The following USP30 variants were observed in gnomAD, a reference collection of about 807,000 sequenced individuals.
USP30 encodes ubiquitin specific peptidase 30.
USP30 carries 41 observed loss-of-function variants against 68.2 expected under a neutral mutation model. The ratio of observed to expected loss-of-function variants is 0.60; its 90% confidence interval spans 0.47 to 0.78. The LOEUF (loss-of-function observed/expected upper bound fraction) is 0.78. Ranked by LOEUF, USP30 falls within the 30% of genes least tolerant of loss-of-function variation. The pLI, the probability that USP30 is intolerant of heterozygous loss-of-function variation, is 0.00. For synonymous variants in USP30, 229 were observed against 253.7 expected, an observed-to-expected ratio of 0.90 and a Z score of 0.93; for missense variants, 522 against 649.4, an observed-to-expected ratio of 0.80 and a Z score of 2.13.
chr12:109,077,706 A>G (rs778802099), intron 7 of USP30, among the ~76,000 whole-genome samples: 17 of 151,642 alleles, frequency 1.1e-4, no homozygotes, highest in Non-Finnish European at 2.1e-4. Context: ...TTTGTCTTAC[A>G]TATTTTCTTG....
chr12:109,053,494 C>T (rs535421478), intron 1 of USP30, among the ~76,000 whole-genome samples: 2 of 152,234 alleles, frequency 1.3e-5, no homozygotes, highest in East Asian at 3.9e-4. Context: ...CTCCCAAGGG[C>T]TCCAGGCTTC....
At chr12:109,036,310 T>TC (rs1231634716) in intron 3 of USP30, among the ~76,000 whole-genome samples, 5 of 151,388 alleles carry the variant, frequency 3.3e-5, no homozygotes, top group Admixed American at 6.6e-5. Context: ...TTTCTTTCTT[T>TC]TTTTTTTTTT....
chr12:109,087,933 C>T lies in USP30; in HGVS notation c.*2002C>T. The T allele has an allele frequency of 4.3e-6, 1 of 230,040 alleles. No individual in the cohort carries two copies. Among genetic ancestry groups the T allele is most frequent in the Non-Finnish European group, 8.3e-6 (1 of 120,010 alleles). 14.2% of individuals were successfully genotyped at this position (230,040 alleles called of 1,614,324 possible). ...ACCTAAGTTAAACTAGTAGTTTTGC[C>T]ATAATAACTGCTGATTTATGTATTT... On this transcript the variant is annotated 3_prime_UTR_variant, in exon 13 of 13. Transcript: ENST00000257548.
chr12:109,059,238 A>G (rs563757941), intron 3 of USP30, among the ~76,000 whole-genome samples: 40 of 152,162 alleles, frequency 2.6e-4, no homozygotes, highest in Admixed American at 1.2e-3. Flanking sequence ...TTTTTTTCCC[A>G]GCCTGGAGTG....
At chr12:109,072,519 T>C (rs2041478210) in intron 6 of USP30, among the ~76,000 whole-genome samples, 169 bp downstream of exon 6, 1 of 152,210 alleles carries the variant, frequency 6.6e-6, no homozygotes, top group Non-Finnish European at 1.5e-5. Flanking sequence ...TAGATTCTCT[T>C]GGTGTTCCCT....
rs1278953180 is a variant in USP30 at position 109,087,725 on chromosome 12, T to C, written c.*1794T>C. ...AGGGGCTGAGCCTTGGAATATATGG[T>C]TATAAGCAGATCTTTCTTTGGTCAG... On this transcript the variant is annotated 3_prime_UTR_variant, in exon 13 of 13. Coordinates refer to ENST00000257548, the MANE Select transcript of USP30 (RefSeq NM_032663.5). 1.3e-5 allele frequency: 2 copies of C among 153,338 alleles called. No homozygotes were observed. The highest frequency in any genetic ancestry group is 4.8e-5 in the African/African-American group (2 of 41,422). The allele number at this position is 153,338 out of a possible 1,614,324, so 9.5% of individuals were successfully genotyped here. A position where few individuals can be genotyped will look rare whatever the true frequency, so the allele number is the denominator to read the frequency against.
At position 109,052,627 on chromosome 12, in the gene USP30, G is replaced by GCGGCGA. The variant is rs2135692008; in HGVS notation, c.-47_-46insACGGCG. On this transcript the variant is annotated 5_prime_UTR_variant, in exon 1 of 13. Coordinates refer to ENST00000257548, the MANE Select transcript of USP30 (RefSeq NM_032663.5). ...AACCGTCGTATCCCTCGGTCCGGCGGCGGCGGCGGCGGTAGCGGAGGAGAC... is the reference window on the plus strand; with the variant it reads ...AACCGTCGTATCCCTCGGTCCGGCGGCGGCGACGGCGGCGGCGGTAGCGGAGGAGAC... The GCGGCGA allele has an allele frequency of 6.9e-7, 1 of 1,442,254 alleles. No individual in the cohort carries two copies. Among genetic ancestry groups the GCGGCGA allele is most frequent in the Non-Finnish European group, 9.1e-7 (1 of 1,102,520 alleles). 89.3% of individuals were successfully genotyped at this position (1,442,254 alleles called of 1,614,324 possible).
Position 109,070,551 on chromosome 12 carries a change from T to C in USP30, c.481-1061T>C, listed in dbSNP as rs2041407129. 6.6e-6 allele frequency among the ~76,000 whole-genome samples: 1 copy of C among 152,176 alleles called. No homozygotes were observed. The highest frequency in any genetic ancestry group is 6.5e-5 in the Admixed American group (1 of 15,280). On this transcript the variant is annotated intron_variant, in intron 4 of 12. Transcript: ENST00000257548. This position sits in a 1 kb window ranked among gnomAD's most constrained non-coding sequence, Gnocchi z 4.0. ...GCCAGATAAGAATGGTAGGTTTTAC[T>C]CTAGTAGTGGAAGCCATTGGAAAGC...
At chr12:109,056,046 G>A (rs537627809) in intron 1 of USP30, among the ~76,000 whole-genome samples, 3 of 152,260 alleles carry the variant, frequency 2.0e-5, no homozygotes, top group Admixed American at 6.5e-5. Flanking sequence ...CAGTGCAAAC[G>A]CCTTGAGGTC....
At chr12:109,028,469 T>G (rs556259009) in intron 3 of USP30, among the ~76,000 whole-genome samples, 33 of 151,884 alleles carry the variant, frequency 2.2e-4, no homozygotes, top group Middle Eastern at 3.4e-3. Context: ...TTTCTGTTTT[T>G]TTGTTGTTGT....
At chr12:109,069,668 A>G (rs1319701250) in intron 4 of USP30, among the ~76,000 whole-genome samples, 2 of 152,186 alleles carry the variant, frequency 1.3e-5, no homozygotes, top group African/African-American at 2.4e-5. Flanking sequence ...GGGGATGAGG[A>G]TAGCAGGCAG....
In USP30 at chr12:109,079,351, C is replaced by CTTTTTTTTTT. The variant is rs71079521; in HGVS notation, c.721-1964_721-1955dup. ...TTCTTTTCTTTTTCTTTTTTTTTTTCTTTTTTTTTTTTTTTTTTTTTTTTT... is the reference window on the plus strand; with the variant it reads ...TTCTTTTCTTTTTCTTTTTTTTTTTCTTTTTTTTTTTTTTTTTTTTTTTTTTTTTTTTTTT... On this transcript the variant is annotated intron_variant, in intron 7 of 12. Transcript: ENST00000257548. Among the ~76,000 whole-genome samples, 216 of 48,826 alleles carry CTTTTTTTTTT rather than the reference C, an allele frequency of 4.4e-3. 8 individuals carry two copies. Among genetic ancestry groups the CTTTTTTTTTT allele is most frequent in the Middle Eastern group, 0.021 (1 of 48 alleles). The allele number at this position is 48,826 out of a possible 152,430, so 32.0% of individuals were successfully genotyped here. A position where few individuals can be genotyped will look rare whatever the true frequency, so the allele number is the denominator to read the frequency against.
At chr12:109,040,148 G>A (rs1178025728) in intron 3 of USP30, among the ~76,000 whole-genome samples, 2 of 152,016 alleles carry the variant, frequency 1.3e-5, no homozygotes, top group Non-Finnish European at 2.9e-5. Flanking sequence ...GAATAAAATA[G>A]TGAAGGTAAA....
At chr12:109,074,118 A>G (rs1240275216) in intron 7 of USP30, among the ~76,000 whole-genome samples, 1 of 152,206 alleles carries the variant, frequency 6.6e-6, no homozygotes, top group Admixed American at 6.5e-5. Context: ...TATAAATGGA[A>G]TCATGTAATG....
At chr12:109,059,688 A>G (rs988488707) in intron 3 of USP30, among the ~76,000 whole-genome samples, 1 of 151,492 alleles carries the variant, frequency 6.6e-6, no homozygotes, top group African/African-American at 2.4e-5. Context: ...TAATGTTTGT[A>G]TTTTTAGTAG....
upstream of USP30, among the ~76,000 whole-genome samples, chr12:109,051,249 C>CTTTTTT (rs138942249): frequency 2.9e-3 from 184 of 63,534 alleles, no homozygotes; most frequent in Non-Finnish European, 3.1e-3. Context: ...TTACCTCTTG[C>CTTTTTT]TTTTTTTTTT....
chr12:109,056,805 C>T lies in USP30; in HGVS notation c.193+14C>T. The T allele has an allele frequency of 6.3e-7, 1 of 1,577,234 alleles. No individual in the cohort carries two copies. Among genetic ancestry groups the T allele is most frequent in the Non-Finnish European group, 8.7e-7 (1 of 1,153,220 alleles). On this transcript the variant is annotated intron_variant, in intron 2 of 12. Transcript: ENST00000257548. Reference sequence around the variant, plus strand: ...AGCGTAGAAAAGGTAAGAATGAGAACACTGCATCATGGTCTGTAGACTTGA... The same window carrying T: ...AGCGTAGAAAAGGTAAGAATGAGAATACTGCATCATGGTCTGTAGACTTGA...
In USP30 at chr12:109,045,351, T is replaced by C. The variant is rs115336516; in HGVS notation, c.-135-2239T>C. ...CCTCTCTTTAGCCCATTCTCAGGTG[T>C]TAATGAGATCCCAGCTAAAATCAGG... On this transcript the variant is annotated intron_variant, in intron 3 of 15. Transcript: ENST00000392784. Among the ~76,000 whole-genome samples, 672 of 152,332 alleles carry C rather than the reference T, an allele frequency of 4.4e-3. 6 individuals carry two copies. Among genetic ancestry groups the C allele is most frequent in the African/African-American group, 0.015 (637 of 41,570 alleles).
chr12:109,055,393 TATATA>T (rs1342812605), intron 1 of USP30, among the ~76,000 whole-genome samples: 4 of 62,176 alleles, frequency 6.4e-5, no homozygotes, highest in Admixed American at 2.2e-4. Context: ...TATATATATA[TATATA>T]TATTTTTTTT....
Sources: allele counts gnomAD v4.1 joint callset (sites outside exome capture counted in the v4.1 genomes callset), GRCh38; gene constraint gnomAD v4.1.1; non-coding constraint Gnocchi (gnomAD v3.1); transcripts MANE v1.5; gene names NCBI Gene and HGNC (gene_info 2026-07-23, HGNC 2026-07-21).